The following PCLO variants were observed in gnomAD, a reference collection of about 807,000 sequenced individuals.
PCLO encodes the protein protein piccolo.
PCLO carries 82 observed loss-of-function variants against 427.5 expected under a neutral mutation model. That is an observed-to-expected ratio of 0.19 (90% CI 0.16 to 0.23). The LOEUF (loss-of-function observed/expected upper bound fraction) is 0.23. Among genes scored for constraint, PCLO ranks in the 10% least tolerant of loss-of-function variants. The pLI is 1.00. For synonymous variants in PCLO, 2,357 were observed against 2,155.4 expected (o/e 1.09, Z -2.59); for missense variants, 6,239 against 6,115.9 (o/e 1.02, Z -0.67).
chr7:82,999,783 ATATAAAATATAATATATAATATTAT>A (rs1787763591), intron 3 of PCLO, among the ~76,000 whole-genome samples: 2 of 123,512 alleles, frequency 1.6e-5, no homozygotes, highest in Non-Finnish European at 3.3e-5. Context: ...ATAATATTAT[ATATAAAATATAATATATAATATTAT>A]ATATAAAATA....
chr7:83,162,798 C>T lies in PCLO; in HGVS notation c.-206G>A. 3.1e-6 allele frequency: 2 copies of T among 639,552 alleles called. No individual in the cohort carries two copies. The highest frequency in any genetic ancestry group is 5.2e-6 in the Non-Finnish European group (2 of 384,438). 39.6% of individuals were successfully genotyped at this position (639,552 alleles called of 1,614,324 possible). On this transcript the variant is annotated 5_prime_UTR_variant, in exon 1 of 25. Coordinates refer to ENST00000333891, the MANE Select transcript of PCLO (RefSeq NM_033026.6). Reference sequence around the variant, plus strand: ...AGGTAACGCCCGCTGCCGGTGCCTCCTCCATGTTGGACAGCGCCAGGCAAC... The same window carrying T: ...AGGTAACGCCCGCTGCCGGTGCCTCTTCCATGTTGGACAGCGCCAGGCAAC...
In PCLO at chr7:82,952,491, G is replaced by A; in HGVS notation, c.8462C>T (p.Thr2821Ile). Residue 2821 changes from threonine to isoleucine, a missense_variant, in exon 5 of 25, where the codon ACA becomes ATA. Transcript: ENST00000333891. ...ESLVGAEHAM[T>I]TPLQLTTSKH... ...TGATGTTGTAAGTTGGAGTGGTGTT[G>A]TCATTGCATGTTCTGCACCCACTAG... The A allele has an allele frequency of 6.2e-7, 1 of 1,613,890 alleles. No homozygotes were observed. The highest frequency in any genetic ancestry group is 8.5e-7 in the Non-Finnish European group (1 of 1,179,824).
At chr7:83,102,915 A>G (rs1424207371) in intron 3 of PCLO, among the ~76,000 whole-genome samples, 1 of 151,840 alleles carries the variant, frequency 6.6e-6, no homozygotes, top group African/African-American at 2.4e-5. Flanking sequence ...GGTGGTATTT[A>G]TTGCAGAAGA....
intron 13 of PCLO, among the ~76,000 whole-genome samples, chr7:82,841,984 CTCAA>C (rs1792379577): frequency 6.6e-6 from 1 of 152,086 alleles, no homozygotes; most frequent in Non-Finnish European, 1.5e-5. Flanking sequence ...GAATCACCCA[CTCAA>C]TCACTTTCCC....
intron 7 of PCLO, among the ~76,000 whole-genome samples, chr7:82,913,253 G>T (rs1794364709): frequency 6.6e-6 from 1 of 151,916 alleles, no homozygotes; most frequent in African/African-American, 2.4e-5. Flanking sequence ...AAAGCAGTTT[G>T]TCCTCCTTCA....
At chr7:83,054,651 C>T (rs984505976) in intron 3 of PCLO, among the ~76,000 whole-genome samples, 1 of 151,980 alleles carries the variant, frequency 6.6e-6, no homozygotes, top group African/African-American at 2.4e-5. Flanking sequence ...GGACAGGATG[C>T]ATCATCAAGG....
intron 20 of PCLO, chr7:82,820,849 T>C: frequency 7.3e-6 from 9 of 1,231,250 alleles, no homozygotes; most frequent in Non-Finnish European, 9.1e-6. Context: ...CATTCTGCAA[T>C]ATGAATATTG....
chr7:82,953,956 T>C lies in PCLO; in HGVS notation c.6997A>G (p.Ser2333Gly), dbSNP rs770344537. ...TCAAACACGGTTTCGGATAAGCTACTTTTTGTTCGTTCGGCCTCCAACTCC... is the reference window on the plus strand; with the variant it reads ...TCAAACACGGTTTCGGATAAGCTACCTTTTGTTCGTTCGGCCTCCAACTCC... ...KKELEAERTK[S>G]SLSETVFDHP... The change falls in exon 5 of 25, where the codon AGT becomes GGT. Residue 2333 changes from serine (S) to glycine (G), a missense_variant. Physicochemically the swap from Ser to Gly is moderately conservative, Grantham distance 56. This residue lies in a region of PCLO where 4,677 missense variants were observed against 4,468.4 expected (regional missense o/e 1.05). Transcript: ENST00000333891. The C allele has an allele frequency of 2.5e-6, 4 of 1,613,938 alleles. No individual in the cohort carries two copies. The highest frequency in any genetic ancestry group is 2.5e-6 in the Non-Finnish European group (3 of 1,179,846).
At chr7:82,801,698 C>A (rs1410190395) in intron 21 of PCLO, 107 bp from the exon 22 acceptor site, 1 of 664,022 alleles carries the variant, frequency 1.5e-6, no homozygotes, top group Non-Finnish European at 2.6e-6. Flanking sequence ...GCAAAACCTG[C>A]AATTACTTTT....
chr7:82,878,769 A>G (rs550628058), intron 10 of PCLO, among the ~76,000 whole-genome samples: 2 of 152,344 alleles, frequency 1.3e-5, no homozygotes, highest in East Asian at 1.9e-4. Context: ...AAGGGCCAGG[A>G]GTAAATAGTT....
Position 82,952,032 on chromosome 7 carries a change from T to C in PCLO, c.8921A>G (p.Tyr2974Cys), listed in dbSNP as rs1280507075. 1 of 1,613,880 alleles carries C rather than the reference T, an allele frequency of 6.2e-7. No homozygotes were observed. Residue 2974 changes from tyrosine to cysteine, a missense_variant, in exon 5 of 25, where the codon TAT becomes TGT. Tyr to Cys is a radical substitution (Grantham distance 194). Transcript: ENST00000333891. ...EDRFGYRDDH[Y>C]QYDRSGPYGY... ...ATATGGCCCTGATCGATCATACTGA[T>C]AGTGGTCATCCCTATAACCAAAACG...
intron 3 of PCLO, among the ~76,000 whole-genome samples, chr7:83,004,096 T>C (rs1033537230): frequency 6.6e-6 from 1 of 151,676 alleles, no homozygotes; most frequent in African/African-American, 2.4e-5. Flanking sequence ...TTCTCAATGA[T>C]GAAAAGCAAA....
At chr7:83,074,271 G>A (rs1789894118) in intron 3 of PCLO, among the ~76,000 whole-genome samples, 1 of 151,872 alleles carries the variant, frequency 6.6e-6, no homozygotes, top group African/African-American at 2.4e-5. Context: ...GAGAGACAAA[G>A]AGACTCCTAA....
At chr7:82,779,212 C>T (rs1285489507) in intron 22 of PCLO, among the ~76,000 whole-genome samples, 1 of 152,012 alleles carries the variant, frequency 6.6e-6, no homozygotes, top group South Asian at 2.1e-4. Context: ...CTTTTTAAAA[C>T]CGTGTTTTGA....
chr7:83,125,897 TA>T (rs200113131), intron 3 of PCLO, among the ~76,000 whole-genome samples: 2,083 of 150,186 alleles, frequency 0.014, 23 homozygotes, highest in Non-Finnish European at 0.021. Flanking sequence ...CTAAAAAAAT[TA>T]AAAAAAAATA....
chr7:83,006,987 ATTTAC>A (rs1787962510), intron 3 of PCLO, among the ~76,000 whole-genome samples: 1 of 151,408 alleles, frequency 6.6e-6, no homozygotes, highest in African/African-American at 2.4e-5. Flanking sequence ...TATTACGTTA[ATTTAC>A]TTATTGTCTA....
chr7:83,011,959 T>C (rs770476551), intron 3 of PCLO, among the ~76,000 whole-genome samples: 3 of 152,186 alleles, frequency 2.0e-5, no homozygotes, highest in South Asian at 2.1e-4. Flanking sequence ...ATCTTTTTTT[T>C]TGAAATGCTA....
At position 82,953,918 on chromosome 7, in the gene PCLO, A is replaced by G; in HGVS notation, c.7035T>C (p.Ser2345=). 6.2e-7 allele frequency: 1 copy of G among 1,613,908 alleles called. No homozygotes were observed. The highest frequency in any genetic ancestry group is 8.5e-7 in the Non-Finnish European group (1 of 1,179,852). ...CTTTCATTGGAAGGGCTATTACAGA[A>G]GAAGGTGGGTGATCAAACACGGTTT... ...LSETVFDHPP[S]SVIALPMKEQ... Residue 2345 remains serine, a synonymous_variant, in exon 5 of 25, where the codon TCT becomes TCC. Transcript: ENST00000333891.
intron 3 of PCLO, among the ~76,000 whole-genome samples, chr7:83,080,113 G>A (rs1163272541): frequency 6.6e-6 from 1 of 152,082 alleles, no homozygotes; most frequent in Non-Finnish European, 1.5e-5. Flanking sequence ...TCTTAATCCA[G>A]TCTATCATTG....
Sources: allele counts gnomAD v4.1 joint callset (sites outside exome capture counted in the v4.1 genomes callset), GRCh38; gene constraint gnomAD v4.1.1; regional missense constraint gnomAD v4.1.1; transcripts MANE v1.5; gene names NCBI Gene and HGNC (gene_info 2026-07-23, HGNC 2026-07-21).